Variants in USH2A observed in about 807,000 individuals in gnomAD.
The protein encoded by USH2A is usherin, also known as Usher syndrome 2A (autosomal recessive, mild).
Under a neutral mutation model 538.9 loss-of-function variants are expected in USH2A, and 443 were observed. The observed-to-expected ratio is 0.82, with a 90% CI of 0.76 to 0.89. The LOEUF (loss-of-function observed/expected upper bound fraction) is 0.89. Ranked by LOEUF, USH2A falls within the 40% of genes least tolerant of loss-of-function variation. The pLI, the probability that USH2A is intolerant of heterozygous loss-of-function variation, is 0.00. For synonymous variants in USH2A, 2,413 were observed against 2,273.5 expected (o/e 1.06, Z -1.75); for missense variants, 6,633 against 6,324.8 (o/e 1.05, Z -1.65).
chr1:215,899,455 T>C (rs945064129), intron 40 of USH2A, among the ~76,000 whole-genome samples: 5 of 152,212 alleles, frequency 3.3e-5, no homozygotes, highest in Non-Finnish European at 5.9e-5. Flanking sequence ...TAAAACCAAA[T>C]GTTATAGTCA....
At chr1:215,728,904 AT>A (rs1475642654) in intron 60 of USH2A, among the ~76,000 whole-genome samples, 1 of 152,044 alleles carries the variant, frequency 6.6e-6, no homozygotes, top group Non-Finnish European at 1.5e-5. Flanking sequence ...TCGGGGTTTT[AT>A]TTTTTGTACA....
chr1:215,631,108 A>G (rs1656269754), intron 70 of USH2A, among the ~76,000 whole-genome samples: 1 of 152,168 alleles, frequency 6.6e-6, no homozygotes, highest in Admixed American at 6.5e-5. Flanking sequence ...AGTATAGCCT[A>G]AAATCCTTTT....
chr1:216,197,017 T>C (rs528163023), intron 18 of USH2A, among the ~76,000 whole-genome samples: 9 of 152,250 alleles, frequency 5.9e-5, no homozygotes, highest in Non-Finnish European at 1.0e-4. Context: ...GATAGGAAAT[T>C]ATAAGTCTTA....
rs567856989 is a variant in USH2A at position 215,995,805 on chromosome 1, T to C, written c.6658-2638A>G. On this transcript the variant is annotated intron_variant, in intron 34 of 71. Transcript: ENST00000307340. Reference sequence around the variant, plus strand: ...CTGCCTTGAAATGATGAGTAACATCTGGCCAAATAAGGGATTCAATTTTGG... The same window carrying C: ...CTGCCTTGAAATGATGAGTAACATCCGGCCAAATAAGGGATTCAATTTTGG... Among the ~76,000 whole-genome samples, 3 of 152,310 alleles carry C rather than the reference T, an allele frequency of 2.0e-5. No homozygotes were observed. In the South Asian group the frequency reaches 6.2e-4, roughly 32 times the overall value.
intron 22 of USH2A, among the ~76,000 whole-genome samples, chr1:216,093,136 T>G (rs2102569108): frequency 6.6e-6 from 1 of 152,062 alleles, no homozygotes; most frequent in Non-Finnish European, 1.5e-5. Context: ...AGCTAAGTTT[T>G]GTATTTTTAG....
At position 216,070,152 on chromosome 1, in the gene USH2A, G is replaced by T; in HGVS notation, c.5998C>A (p.Pro2000Thr). ...KAYSEDSTRPPRMPSASAEFV... is the reference protein window; with the variant it reads ...KAYSEDSTRPTRMPSASAEFV... ...TCAGCACTGGCAGAGGGCATGCGGG[G>T]TGGACGGGTGCTGTCCTCACTATAG... Residue 2000 changes from proline to threonine, a missense_variant, in exon 30 of 72, where the codon CCC becomes ACC. Coordinates refer to ENST00000307340, the MANE Select transcript of USH2A (RefSeq NM_206933.4). 1 of 1,614,040 alleles carries T rather than the reference G, an allele frequency of 6.2e-7. No individual in the cohort carries two copies. Among genetic ancestry groups the T allele is most frequent in the Non-Finnish European group, 8.5e-7 (1 of 1,179,966 alleles).
intron 32 of USH2A, among the ~76,000 whole-genome samples, chr1:216,039,325 G>C (rs1318850910): frequency 2.0e-5 from 3 of 151,910 alleles, no homozygotes; most frequent in Admixed American, 6.6e-5. Flanking sequence ...CTTGACTTTT[G>C]TTCCTTCGTG....
At chr1:216,016,529 G>T (rs949371300) in intron 32 of USH2A, among the ~76,000 whole-genome samples, 1 of 152,040 alleles carries the variant, frequency 6.6e-6, no homozygotes, top group Non-Finnish European at 1.5e-5. Context: ...TTCAATGTTT[G>T]CATTATCCAT....
chr1:215,669,083 C>T (rs996340226), intron 64 of USH2A, among the ~76,000 whole-genome samples: 1 of 152,120 alleles, frequency 6.6e-6, no homozygotes, highest in African/African-American at 2.4e-5. Context: ...TGGAATGAGA[C>T]TTCCACAGAT....
intron 13 of USH2A, among the ~76,000 whole-genome samples, chr1:216,241,862 G>T (rs1341361230): frequency 6.6e-6 from 1 of 152,070 alleles, no homozygotes; most frequent in Non-Finnish European, 1.5e-5. Context: ...GTCACGATTT[G>T]CCTAAGTACA....
intron 21 of USH2A, among the ~76,000 whole-genome samples, chr1:216,153,189 C>T (rs187661885): frequency 7.2e-5 from 11 of 152,276 alleles, no homozygotes; most frequent in Admixed American, 3.3e-4. Context: ...TCTTGGACAC[C>T]GGACAAGAAC....
At position 215,649,948 on chromosome 1, in the gene USH2A, G is replaced by T. The variant is rs114959705; in HGVS notation, c.14343+644C>A. On this transcript the variant is annotated intron_variant, in intron 65 of 71. Transcript: ENST00000307340. ...CTAGTTGATTCTTAGCATCGCTTCC[G>T]GGAAGTGGCTTGGCTAACGCACAAT... Among the ~76,000 whole-genome samples the T allele has an allele frequency of 3.3e-3, 498 of 152,188 alleles. 2 individuals carry two copies. The highest frequency in any genetic ancestry group is 5.5e-3 in the Non-Finnish European group (377 of 68,008).
chr1:216,344,572 G>C (rs1191408500), intron 4 of USH2A, among the ~76,000 whole-genome samples: 1 of 151,990 alleles, frequency 6.6e-6, no homozygotes, highest in Non-Finnish European at 1.5e-5. Flanking sequence ...GGTGAACCAT[G>C]GAAGGGACAA....
chr1:216,371,366 C>A (rs528194293), intron 3 of USH2A, among the ~76,000 whole-genome samples: 2 of 152,324 alleles, frequency 1.3e-5, no homozygotes, highest in South Asian at 4.1e-4. Flanking sequence ...AGAAATACTA[C>A]AATCTCTAGA....
At chr1:216,097,945 C>T (rs911547755) in intron 21 of USH2A, among the ~76,000 whole-genome samples, 2 of 151,178 alleles carry the variant, frequency 1.3e-5, no homozygotes, top group African/African-American at 2.4e-5. Flanking sequence ...ATCTCCAGTC[C>T]TATGAATGAT....
intron 31 of USH2A, among the ~76,000 whole-genome samples, chr1:216,047,134 T>C (rs2030554305): frequency 6.7e-6 from 1 of 149,422 alleles, no homozygotes; most frequent in African/African-American, 2.6e-5. Flanking sequence ...GAACTAAACA[T>C]TTTTTTTAAA....
At chr1:215,771,691 C>G (rs1661294196) in intron 55 of USH2A, among the ~76,000 whole-genome samples, 2 of 137,564 alleles carry the variant, frequency 1.5e-5, no homozygotes, top group South Asian at 4.9e-4. Flanking sequence ...TAGTGAGATA[C>G]TGAGTCATGT....
At chr1:216,369,307 A>G (rs753555502) in intron 3 of USH2A, among the ~76,000 whole-genome samples, 15 of 152,126 alleles carry the variant, frequency 9.9e-5, no homozygotes, top group Non-Finnish European at 2.1e-4. Context: ...ACCTACGAAC[A>G]CGTGGAATCC....
At chr1:215,725,202 G>A (rs1181949630) in intron 61 of USH2A, among the ~76,000 whole-genome samples, 2 of 152,052 alleles carry the variant, frequency 1.3e-5, no homozygotes, top group African/African-American at 4.8e-5. Flanking sequence ...TACAGACAAG[G>A]TTTCACCATG....
Sources: allele counts gnomAD v4.1 joint callset (sites outside exome capture counted in the v4.1 genomes callset), GRCh38; gene constraint gnomAD v4.1.1; transcripts MANE v1.5; gene names NCBI Gene and HGNC (gene_info 2026-07-23, HGNC 2026-07-21).